Variants in SLC19A1 observed in about 807,000 individuals in gnomAD.
The protein encoded by SLC19A1 is solute carrier family 19 member 1.
A neutral mutation model predicts 35.3 loss-of-function variants in SLC19A1; 37 were observed. The observed-to-expected ratio is 1.05, with a 90% CI of 0.81 to 1.38. The LOEUF (loss-of-function observed/expected upper bound fraction) is 1.38, where lower values mean the gene tolerates loss of function less well. SLC19A1 is among the 40% of genes most tolerant of loss of function. The pLI, the probability that SLC19A1 is intolerant of heterozygous loss-of-function variation, is 0.00. For synonymous variants in SLC19A1, 460 were observed against 398.5 expected (o/e 1.15, Z -1.84); for missense variants, 831 against 826.9 (o/e 1.00, Z -0.06).
At chr21:45,511,288 G>A, downstream of SLC19A1, 1 of 872,468 alleles carries the variant, frequency 1.1e-6, no homozygotes, top group Non-Finnish European at 1.9e-6. Context: ...CGGGCGGGCG[G>A]GCTCCTATCT....
downstream of SLC19A1, chr21:45,512,071 C>A: frequency 1.8e-6 from 2 of 1,138,822 alleles, no homozygotes; most frequent in South Asian, 1.3e-5. Flanking sequence ...GGAGCCTCTG[C>A]AGCCCCCTGG....
intron 5 of SLC19A1, among the ~76,000 whole-genome samples, chr21:45,523,998 G>A (rs577208051): frequency 6.6e-6 from 1 of 152,302 alleles, no homozygotes; most frequent in East Asian, 1.9e-4. Context: ...CCACCAGGAG[G>A]CTGTGTCCAC....
chr21:45,515,030 G>C lies in SLC19A1; in HGVS notation c.*628C>G, dbSNP rs1171307221. On this transcript the variant is annotated 3_prime_UTR_variant, in exon 6 of 6. Coordinates refer to ENST00000311124, the MANE Select transcript of SLC19A1 (RefSeq NM_194255.4). ...CAGGACCATGGAGGGCTGCCCTTAG[G>C]GTGGGAGAGAGGAACCAGCTCCGAG... 6.5e-7 allele frequency: 1 copy of C among 1,542,170 alleles called. No homozygotes were observed. The highest frequency in any genetic ancestry group is 8.7e-7 in the Non-Finnish European group (1 of 1,144,572).
upstream of SLC19A1, among the ~76,000 whole-genome samples, chr21:45,547,663 G>C (rs1259722510): frequency 6.6e-6 from 1 of 152,142 alleles, no homozygotes; most frequent in East Asian, 1.9e-4. Flanking sequence ...CCCCCACCAG[G>C]TTGTCCCACC....
rs752190872 is a variant in SLC19A1 at position 45,517,532 on chromosome 21, C to A, written c.1294-1392G>T. On this transcript the variant is annotated intron_variant, in intron 5 of 5. Transcript: ENST00000311124. The surrounding 1 kb of genome is among the most constrained non-coding windows in gnomAD (Gnocchi z 4.4). ...GAAGCCCAAGATGTCACCCCCAAAG[C>A]CTCATGGAGTCAGTGGAGACCATGT... Among the ~76,000 whole-genome samples the A allele has an allele frequency of 1.7e-4, 26 of 151,922 alleles. No individual in the cohort carries two copies. The highest frequency in any genetic ancestry group is 2.1e-4 in the Non-Finnish European group (14 of 67,968).
In SLC19A1 at chr21:45,517,103, GCTGTGCCACGCAAGGACAGA is replaced by G. The variant is rs1282460586; in HGVS notation, c.1294-983_1294-964del. Among the ~76,000 whole-genome samples the G allele has an allele frequency of 1.3e-5, 2 of 152,266 alleles. No homozygotes were observed. Among genetic ancestry groups the G allele is most frequent in the South Asian group, 4.1e-4 (2 of 4,824 alleles). On this transcript the variant is annotated intron_variant, in intron 5 of 5. Coordinates refer to ENST00000311124, the MANE Select transcript of SLC19A1 (RefSeq NM_194255.4). The surrounding 1 kb of genome is among the most constrained non-coding windows in gnomAD (Gnocchi z 4.4). ...TGGCCGGGCCCTCGGGGTCTGGGGA[GCTGTGCCACGCAAGGACAGA>G]CTGTGCCACGCAGAGCTCCCTGGGG...
At chr21:45,504,718 C>G (rs559142395) in intron 3 of SLC19A1, among the ~76,000 whole-genome samples, 1 of 152,020 alleles carries the variant, frequency 6.6e-6, no homozygotes, top group African/African-American at 2.4e-5. Flanking sequence ...ACGCAGCAGG[C>G]CACATGGGTG....
rs188894488 is a variant in SLC19A1, at chr21:45,504,173, G to A, written c.498-5561C>T. ...CCCCTTCCTGTTCAGCCCTGCGAGG[G>A]GCGCTGGCTCCAGAGGGTGTCGAGG... On this transcript the variant is annotated intron_variant, in intron 3 of 4. Transcript: ENST00000417954. 1,144 of 1,222,954 alleles carry A rather than the reference G, an allele frequency of 9.4e-4. 1 individual carries two copies. The highest frequency in any genetic ancestry group is 4.1e-3 in the Middle Eastern group (16 of 3,856). 75.8% of individuals were successfully genotyped at this position (1,222,954 alleles called of 1,614,324 possible). A position where few individuals can be genotyped will look rare whatever the true frequency, so the allele number is the denominator to read the frequency against.
chr21:45,526,049 T>C, intron 4 of SLC19A1, 91 bp from the exon 5 acceptor site: 2 of 1,444,118 alleles, frequency 1.4e-6, no homozygotes, highest in South Asian at 1.2e-5. Flanking sequence ...CACCAGCCCA[T>C]GACCCGCCCG....
In SLC19A1 at chr21:45,561,009, C is replaced by T. The variant is rs113746602; in HGVS notation, c.-50+1733G>A. ...TAGAAACGAAGCTGCTTCCCAGCCA[C>T]CCATGTGCAAAGGAAGAAGGAAAGA... On this transcript the variant is annotated intron_variant, in intron 1 of 5. Transcript: ENST00000650808. Among the ~76,000 whole-genome samples the T allele has an allele frequency of 4.4e-3, 663 of 152,330 alleles. 8 individuals are homozygous for T. Among genetic ancestry groups the T allele is most frequent in the African/African-American group, 0.015 (624 of 41,564 alleles).
chr21:45,506,230 C>T lies in SLC19A1; in HGVS notation c.498-7618G>A, dbSNP rs566617271. On this transcript the variant is annotated intron_variant, in intron 3 of 4. Coordinates refer to the SLC19A1 transcript ENST00000417954. ...TCCTGGTGGGTCATGTCACAGTGAA[C>T]GTTTACAAAGATAAATGTCACCTCA... 77 of 500,660 alleles carry T rather than the reference C, an allele frequency of 1.5e-4. 2 individuals are homozygous for T. Among genetic ancestry groups the T allele is most frequent in the South Asian group, 1.3e-3 (64 of 49,056 alleles). 31.0% of individuals were successfully genotyped at this position (500,660 alleles called of 1,614,324 possible).
rs1289307845 is a variant in SLC19A1, at chr21:45,515,769, G to A, written c.1665C>T (p.Gly555=). Residue 555 remains glycine (G), a synonymous_variant, in exon 6 of 6, where the codon GGC becomes GGT. Transcript: ENST00000311124. ...PCTLCSAQAS[G]PEAADETCPQ... is the part of the protein sequence containing the mutation. ...GACAAGTCTCATCTGCAGCCTCAGG[G>A]CCTGAGGCTTGGGCGGAGCACAGAG... 1.9e-6 allele frequency: 3 copies of A among 1,613,738 alleles called. No homozygotes were observed. In the South Asian group the frequency reaches 3.3e-5, roughly 18 times the overall value.
downstream of SLC19A1, chr21:45,511,294 T>C: frequency 1.2e-6 from 1 of 808,332 alleles, no homozygotes; most frequent in Non-Finnish European, 2.1e-6. Context: ...GGCGGGCTCC[T>C]ATCTGCAGTT....
chr21:45,506,370 T>A (rs1602625031), intron 3 of SLC19A1: 1 of 351,508 alleles, frequency 2.8e-6, no homozygotes, highest in East Asian at 7.4e-5. Flanking sequence ...GGCTGTCCCG[T>A]GGCTCTGCAC....
At chr21:45,538,682 C>T (rs537501689) in intron 1 of SLC19A1, among the ~76,000 whole-genome samples, 5 of 152,138 alleles carry the variant, frequency 3.3e-5, no homozygotes, top group African/African-American at 7.2e-5. Context: ...TTGAAACACG[C>T]GTGGGAGGGA....
intron 3 of SLC19A1, among the ~76,000 whole-genome samples, chr21:45,503,529 T>C (rs1303499350): frequency 4.6e-4 from 69 of 150,992 alleles, no homozygotes; most frequent in Middle Eastern, 3.4e-3. Flanking sequence ...AGTAAACTAT[T>C]GCAAGAACAA....
In SLC19A1 at chr21:45,531,693, G is replaced by A. The variant is rs759174219; in HGVS notation, c.645C>T (p.Asp215=). The change falls in exon 3 of 6, where the codon GAC becomes GAT. Residue 215 remains aspartate (D), a synonymous_variant. Transcript: ENST00000311124. The stretch of plus-strand genomic sequence containing the variant: ...CCGAGGTTTCGCACCGCCCCCGGTC[G>A]TCGCGGTTGAAGAAGAGGCTGCGCT... ...RPKRSLFFNR[D]DRGRCETSAS... is the part of the protein sequence containing the mutation. The A allele has an allele frequency of 3.7e-6, 6 of 1,612,486 alleles. No homozygotes were observed. Among genetic ancestry groups the A allele is most frequent in the South Asian group, 1.1e-5 (1 of 91,052 alleles).
chr21:45,538,006 T>A lies in SLC19A1; in HGVS notation c.-47A>T. On this transcript the variant is annotated splice_region_variant and 5_prime_UTR_variant, in exon 2 of 6. Transcript: ENST00000311124. ...TCCGGAGGGGACGAAGGTGACGCTG[T>A]GCCTGGAAGGAGGGGTGGAGTCAGG... The A allele has an allele frequency of 7.1e-7, 1 of 1,416,238 alleles. No homozygotes were observed. The highest frequency in any genetic ancestry group is 9.3e-7 in the Non-Finnish European group (1 of 1,072,688). The allele number at this position is 1,416,238 out of a possible 1,614,324, so 87.7% of individuals were successfully genotyped here.
Position 45,517,902 on chromosome 21 carries a change from C to T in SLC19A1, c.1294-1762G>A, listed in dbSNP as rs2146219646. On this transcript the variant is annotated intron_variant, in intron 5 of 5. Transcript: ENST00000311124. This position sits in a 1 kb window ranked among gnomAD's most constrained non-coding sequence, Gnocchi z 4.4. ...ACCTGCCTGTAGCGAGGTGCACACC[C>T]CGCTTGACCTGCAGGAGTTGCGTCA... is the stretch of plus-strand genomic sequence containing the variant. Among the ~76,000 whole-genome samples, 1 of 152,338 alleles carries T rather than the reference C, an allele frequency of 6.6e-6. No homozygotes were observed. The highest frequency in any genetic ancestry group is 1.9e-4 in the East Asian group (1 of 5,190).
Sources: allele counts gnomAD v4.1 joint callset (sites outside exome capture counted in the v4.1 genomes callset), GRCh38; gene constraint gnomAD v4.1.1; non-coding constraint Gnocchi (gnomAD v3.1); transcripts MANE v1.5; gene names NCBI Gene and HGNC (gene_info 2026-07-23, HGNC 2026-07-21).